Variants in EPHA3 observed in about 807,000 individuals in gnomAD.
The protein encoded by EPHA3 is EPH receptor A3, also known as ephrin type-A receptor 3.
EPHA3 carries 42 observed loss-of-function variants against 107.1 expected under a neutral mutation model. The ratio of observed to expected loss-of-function variants is 0.39; its 90% CI spans 0.31 to 0.51. The LOEUF (loss-of-function observed/expected upper bound fraction) is 0.51, where lower values mean the gene tolerates loss of function less well. Ranked by LOEUF, EPHA3 falls within the 20% of genes least tolerant of loss-of-function variation. The pLI, the probability that EPHA3 is intolerant of heterozygous loss-of-function variation, is 0.78. For synonymous variants in EPHA3, 461 were observed against 424.8 expected (o/e 1.09, Z -1.05); for missense variants, 1,183 against 1,211.2 (o/e 0.98, Z 0.35).
intron 3 of EPHA3, among the ~76,000 whole-genome samples, chr3:89,282,011 T>C (rs1430963030): frequency 1.3e-5 from 2 of 152,240 alleles, no homozygotes; most frequent in African/African-American, 2.4e-5. Flanking sequence ...ATGCAGATTA[T>C]GTCAATTATA....
intron 3 of EPHA3, among the ~76,000 whole-genome samples, chr3:89,252,043 T>G (rs1355039935): frequency 6.6e-6 from 1 of 152,212 alleles, no homozygotes; most frequent in Non-Finnish European, 1.5e-5. Flanking sequence ...GAGTCTTAGT[T>G]TCTATAGATC....
chr3:89,340,119 T>C (rs1707484134), intron 3 of EPHA3, among the ~76,000 whole-genome samples: 1 of 152,216 alleles, frequency 6.6e-6, no homozygotes, highest in Admixed American at 6.5e-5. Flanking sequence ...ACATAGATGC[T>C]GAACCCTAAA....
At chr3:89,188,985 A>T (rs1452887670) in intron 2 of EPHA3, among the ~76,000 whole-genome samples, 1 of 152,190 alleles carries the variant, frequency 6.6e-6, no homozygotes, top group Non-Finnish European at 1.5e-5. Context: ...CTTTTGAGTG[A>T]GTTAAATATA....
intron 2 of EPHA3, among the ~76,000 whole-genome samples, chr3:89,168,862 A>G (rs1027441499): frequency 5.9e-5 from 9 of 152,140 alleles, no homozygotes; most frequent in African/African-American, 2.2e-4. Flanking sequence ...AAATTTAGAA[A>G]TTCTGGTACA....
intron 16 of EPHA3, among the ~76,000 whole-genome samples, chr3:89,475,363 C>T (rs1456023525): frequency 6.6e-6 from 1 of 151,990 alleles, no homozygotes; most frequent in Non-Finnish European, 1.5e-5. Context: ...TGGAGATCCT[C>T]CTAGAATAGA....
intron 2 of EPHA3, among the ~76,000 whole-genome samples, chr3:89,141,409 G>T (rs1473602270): frequency 6.6e-6 from 1 of 151,436 alleles, no homozygotes; most frequent in Non-Finnish European, 1.5e-5. Context: ...TATAAGAAAG[G>T]GTGTCAACTA....
chr3:89,452,452 G>T (rs1428094924), intron 15 of EPHA3, among the ~76,000 whole-genome samples: 3 of 152,110 alleles, frequency 2.0e-5, no homozygotes, highest in Non-Finnish European at 2.9e-5. Context: ...AATGACTAGC[G>T]ATGTTGAGTA....
intron 3 of EPHA3, among the ~76,000 whole-genome samples, chr3:89,309,245 C>T (rs189019670): frequency 9.2e-5 from 14 of 152,202 alleles, no homozygotes; most frequent in Admixed American, 6.6e-5. Flanking sequence ...GAATAGGATA[C>T]TCTTTCCACA....
intron 6 of EPHA3, 97 bp from the exon 7 acceptor site, chr3:89,399,221 A>T: frequency 9.0e-7 from 1 of 1,112,548 alleles, no homozygotes; most frequent in South Asian, 2.1e-5. Flanking sequence ...TTTGTGTTAA[A>T]ATATAAAAGA....
intron 2 of EPHA3, among the ~76,000 whole-genome samples, chr3:89,133,018 C>T (rs1704238171): frequency 6.6e-6 from 1 of 152,090 alleles, no homozygotes; most frequent in Non-Finnish European, 1.5e-5. Context: ...TTCTATGCAT[C>T]TAAGAATACA....
intron 2 of EPHA3, among the ~76,000 whole-genome samples, chr3:89,208,423 G>GAAGGAAGGAAGGAAGGAAGGAAGAAAGA (rs74193305): frequency 2.9e-4 from 11 of 37,536 alleles, no homozygotes; most frequent in East Asian, 5.3e-4. Flanking sequence ...AGGAAGGAAG[G>GAAGGAAGGAAGGAAGGAAGGAAGAAAGA]AAGAAAGAAA....
At chr3:89,253,839 G>A (rs919391574) in intron 3 of EPHA3, among the ~76,000 whole-genome samples, 1 of 151,298 alleles carries the variant, frequency 6.6e-6, no homozygotes, top group African/African-American at 2.4e-5. Flanking sequence ...TTTTTAAGTA[G>A]CAAAAGCATG....
In EPHA3 at chr3:89,204,450, G is replaced by A. The variant is rs115373555; in HGVS notation, c.154-5410G>A. On this transcript the variant is annotated intron_variant, in intron 2 of 16. Coordinates refer to ENST00000336596, the MANE Select transcript of EPHA3 (RefSeq NM_005233.6). ...CATCTTCTGTCTTCCTGACTCCTCG[G>A]CCACAAATGTAATTCTCTGATTTGA... Among the ~76,000 whole-genome samples the A allele has an allele frequency of 5.3e-3, 802 of 150,664 alleles. 11 individuals are homozygous for A. The highest frequency in any genetic ancestry group is 0.015 in the African/African-American group (600 of 40,884).
intron 2 of EPHA3, among the ~76,000 whole-genome samples, chr3:89,134,850 C>A (rs2106998302): frequency 6.6e-6 from 1 of 152,184 alleles, no homozygotes; most frequent in East Asian, 1.9e-4. Flanking sequence ...GAAAATTGCT[C>A]CAATTTGCTT....
At chr3:89,449,423 C>T (rs765772315) in intron 14 of EPHA3, 49 bp downstream of exon 14, 5 of 1,492,326 alleles carry the variant, frequency 3.4e-6, no homozygotes, top group South Asian at 1.4e-5. Context: ...AAAGATCAAG[C>T]TGTGCAAGGA....
At chr3:89,178,684 T>C (rs1238904113) in intron 2 of EPHA3, among the ~76,000 whole-genome samples, 1 of 151,922 alleles carries the variant, frequency 6.6e-6, no homozygotes, top group Non-Finnish European at 1.5e-5. Context: ...TATAATGTAT[T>C]AACTAAAATA....
At chr3:89,223,680 A>G (rs542305690) in intron 3 of EPHA3, among the ~76,000 whole-genome samples, 1 of 152,342 alleles carries the variant, frequency 6.6e-6, no homozygotes, top group South Asian at 2.1e-4. Flanking sequence ...GCATAAAATG[A>G]TGGCGTGACT....
Position 89,184,719 on chromosome 3 carries a change from G to A in EPHA3, c.154-25141G>A, listed in dbSNP as rs556975025. Among the ~76,000 whole-genome samples the A allele has an allele frequency of 2.0e-5, 3 of 152,084 alleles. No homozygotes were observed. The South Asian group carries it at 6.2e-4, about 32-fold the overall frequency. ...CAAAAGGAAGCAAAACTCTTGAAAT[G>A]GATTCGTTTCAGCATTTTCTTCCCC... is the stretch of plus-strand genomic sequence containing the variant. On this transcript the variant is annotated intron_variant, in intron 2 of 16. Transcript: ENST00000336596.
intron 3 of EPHA3, among the ~76,000 whole-genome samples, chr3:89,336,027 A>C (rs1707384603): frequency 6.6e-6 from 1 of 152,176 alleles, no homozygotes; most frequent in Admixed American, 6.5e-5. Flanking sequence ...TTGTATTTTA[A>C]AATTTGTCTC....
Sources: gnomAD v4.1 joint callset for allele counts (sites outside exome capture counted in the v4.1 genomes callset) on GRCh38, gnomAD v4.1.1 for gene constraint, MANE v1.5 for transcripts, NCBI Gene and HGNC (gene_info 2026-07-23, HGNC 2026-07-21) for gene names.